The following ZNF697 variants were observed in gnomAD, a reference collection of about 807,000 sequenced individuals.
ZNF697 encodes the protein zinc finger protein 697.
A neutral mutation model predicts 32.4 loss-of-function variants in ZNF697; 23 were observed. That is an observed-to-expected ratio of 0.71 (90% CI 0.51 to 1.01). The LOEUF is 1.01. Among genes scored for constraint, ZNF697 ranks in the 50% least tolerant of loss-of-function variants. The probability of loss-of-function intolerance (pLI) is 0.00; values close to 1 mark genes in which losing one functional copy is unlikely to be tolerated. For missense variants in ZNF697, 930 were observed against 794.0 expected (o/e 1.17, Z -2.06); for synonymous variants, 418 against 337.2 (o/e 1.24, Z -2.62).
intron 1 of ZNF697, among the ~76,000 whole-genome samples, chr1:119,645,068 T>C (rs142711479): frequency 0.02 from 2,992 of 152,344 alleles, 49 homozygotes; most frequent in Non-Finnish European, 0.029. Context: ...ATATTCTGCC[T>C]GAGAGTTTAA....
intron 1 of ZNF697, among the ~76,000 whole-genome samples, chr1:119,640,203 CT>C (rs1649031265): frequency 6.6e-6 from 1 of 152,288 alleles, no homozygotes; most frequent in East Asian, 1.9e-4. Context: ...ATTTTATTCA[CT>C]TTGATAATTC....
At chr1:119,629,440 G>T (rs1648699269) in intron 1 of ZNF697, among the ~76,000 whole-genome samples, 1 of 152,184 alleles carries the variant, frequency 6.6e-6, no homozygotes, top group Admixed American at 6.5e-5. Context: ...GCTGGAGCTG[G>T]ATATCCAGTG....
chr1:119,631,375 A>G (rs932029527), intron 1 of ZNF697, among the ~76,000 whole-genome samples: 1 of 152,214 alleles, frequency 6.6e-6, no homozygotes, highest in African/African-American at 2.4e-5. Context: ...ACGTGTAAAG[A>G]ACACTGAGGC....
intron 1 of ZNF697, among the ~76,000 whole-genome samples, chr1:119,627,905 T>TGAA (rs917044258): frequency 1.4e-4 from 21 of 152,228 alleles, no homozygotes; most frequent in African/African-American, 4.8e-4. Context: ...AAATCACTTC[T>TGAA]GCCCATCACT....
chr1:119,622,606 G>A lies in ZNF697; in HGVS notation c.*99C>T. The stretch of plus-strand genomic sequence containing the variant: ...AAGGCTCCCCAGTCACTCTCAGATT[G>A]TCCCTCCCGCCCCTTCCCCACTTCC... On this transcript the variant is annotated 3_prime_UTR_variant, in exon 3 of 3. Transcript: ENST00000421812. 2 of 1,429,942 alleles carry A rather than the reference G, an allele frequency of 1.4e-6. No individual in the cohort carries two copies. The highest frequency in any genetic ancestry group is 1.8e-6 in the Non-Finnish European group (2 of 1,095,660). 88.6% of individuals were successfully genotyped at this position (1,429,942 alleles called of 1,614,324 possible).
chr1:119,644,786 T>C (rs1180360593), intron 1 of ZNF697, among the ~76,000 whole-genome samples: 2 of 152,222 alleles, frequency 1.3e-5, no homozygotes, highest in African/African-American at 2.4e-5. Context: ...TCGAGATAAG[T>C]GAGGGACTAC....
At position 119,626,000 on chromosome 1, in the gene ZNF697, G is replaced by C; in HGVS notation, c.101C>G (p.Pro34Arg). The C allele has an allele frequency of 6.2e-7, 1 of 1,613,928 alleles. No individual in the cohort carries two copies. The highest frequency in any genetic ancestry group is 8.5e-7 in the Non-Finnish European group (1 of 1,179,884). Residue 34 changes from proline to arginine, a missense_variant, in exon 2 of 3, where the codon CCA becomes CGA. Transcript: ENST00000421812. The stretch of plus-strand genomic sequence containing the variant: ...ATTAGAGCCCATTTCTCTTTCTTCT[G>C]GGTCCCCTTCCCTGTCCTCAGAGTC... ...FEDSEDREGD[P>R]EEREMGSNPH...
chr1:119,624,552 GA>G, intron 2 of ZNF697, among the ~76,000 whole-genome samples: 1 of 152,340 alleles, frequency 6.6e-6, no homozygotes, highest in African/African-American at 2.4e-5. Context: ...GCCAACCTGA[GA>G]AAGACCACTT....
Position 119,648,240 on chromosome 1 carries a change from G to C in ZNF697, c.-587C>G, listed in dbSNP as rs1381010574. On this transcript the variant is annotated 5_prime_UTR_variant, in exon 1 of 3. Coordinates refer to ENST00000421812, the MANE Select transcript of ZNF697 (RefSeq NM_001080470.2). ...TGGCTGGCTGGCTGGCTGGCTCGCT[G>C]GCTGGCTGCCCGGCTGACTCCTCAC... is the stretch of plus-strand genomic sequence containing the variant. Among the ~76,000 whole-genome samples, 1 of 147,338 alleles carries C rather than the reference G, an allele frequency of 6.8e-6. No individual in the cohort carries two copies. Among genetic ancestry groups the C allele is most frequent in the Non-Finnish European group, 1.5e-5 (1 of 66,280 alleles).
intron 1 of ZNF697, among the ~76,000 whole-genome samples, chr1:119,635,901 G>C (rs1188948444): frequency 6.6e-6 from 1 of 152,062 alleles, no homozygotes; most frequent in Non-Finnish European, 1.5e-5. Flanking sequence ...ACTACGAAGA[G>C]AGCAACTAGA....
At chr1:119,646,075 A>C (rs1338995640) in intron 1 of ZNF697, among the ~76,000 whole-genome samples, 2 of 152,068 alleles carry the variant, frequency 1.3e-5, no homozygotes, top group African/African-American at 4.8e-5. Flanking sequence ...CATGCTGCTG[A>C]TGTGAGGTCA....
chr1:119,624,139 T>TG (rs1235766133), intron 2 of ZNF697, 23 bp from the exon 3 acceptor site: 1 of 1,535,920 alleles, frequency 6.5e-7, no homozygotes, highest in Non-Finnish European at 8.8e-7. Flanking sequence ...AAGGTGGCAG[T>TG]GGGGGATTAC....
chr1:119,635,868 C>A (rs1481624214), intron 1 of ZNF697, among the ~76,000 whole-genome samples: 1 of 152,080 alleles, frequency 6.6e-6, no homozygotes, highest in Non-Finnish European at 1.5e-5. Context: ...TCTGAGGATG[C>A]CAGTCAAATT....
At chr1:119,645,525 T>G (rs1649177621) in intron 1 of ZNF697, among the ~76,000 whole-genome samples, 1 of 152,184 alleles carries the variant, frequency 6.6e-6, no homozygotes, top group Non-Finnish European at 1.5e-5. Context: ...TACAGGGATG[T>G]CCAGCAAGCA....
chr1:119,639,541 C>T (rs1209115958), intron 1 of ZNF697, among the ~76,000 whole-genome samples: 4 of 152,142 alleles, frequency 2.6e-5, no homozygotes, highest in Non-Finnish European at 4.4e-5. Flanking sequence ...GCATGGGTTA[C>T]AGTCTGTCCT....
intron 1 of ZNF697, among the ~76,000 whole-genome samples, chr1:119,629,633 T>A (rs1648704313): frequency 6.6e-6 from 1 of 152,240 alleles, no homozygotes; most frequent in Non-Finnish European, 1.5e-5. Context: ...CAAAAATTAA[T>A]GTTTGTAAAA....
chr1:119,626,023 G>A lies in ZNF697; in HGVS notation c.78C>T (p.Asp26=), dbSNP rs780611031. 8 of 1,613,994 alleles carry A rather than the reference G, an allele frequency of 5.0e-6. No homozygotes were observed. Among genetic ancestry groups the A allele is most frequent in the African/African-American group, 1.3e-5 (1 of 75,038 alleles). Residue 26 remains aspartate (D), a synonymous_variant, in exon 2 of 3, where the codon GAC becomes GAT. Transcript: ENST00000421812. The part of the protein sequence containing the change: ...EDKGMGSDFE[D]SEDREGDPEE... ...CTGGGTCCCCTTCCCTGTCCTCAGA[G>A]TCCTCAAAATCAGAACCCATCCCTT...
chr1:119,633,611 G>T (rs1369360696), intron 1 of ZNF697, among the ~76,000 whole-genome samples: 3 of 152,094 alleles, frequency 2.0e-5, no homozygotes, highest in Non-Finnish European at 4.4e-5. Context: ...TGTACTCGAA[G>T]TCCACTGATT....
At chr1:119,642,885 T>C (rs1649115518) in intron 1 of ZNF697, among the ~76,000 whole-genome samples, 1 of 151,902 alleles carries the variant, frequency 6.6e-6, no homozygotes, top group Non-Finnish European at 1.5e-5. Flanking sequence ...TTTTCAAAAC[T>C]AGCAAAACAA....
Sources: allele counts gnomAD v4.1 joint callset (sites outside exome capture counted in the v4.1 genomes callset), GRCh38; gene constraint gnomAD v4.1.1; transcripts MANE v1.5; gene names NCBI Gene and HGNC (gene_info 2026-07-23, HGNC 2026-07-21).